The following SNX32 variants were observed in gnomAD, a reference collection of about 807,000 sequenced individuals.
SNX32 encodes the protein sorting nexin 32, also known as sorting nexin-32.
Under a neutral mutation model 57.0 loss-of-function variants are expected in SNX32, and 58 were observed. The observed-to-expected ratio is 1.02, with a 90% confidence interval of 0.82 to 1.27. SNX32 has a LOEUF of 1.27. SNX32 is among the 50% of genes most tolerant of loss of function. The probability of loss-of-function intolerance (pLI) is 0.00; values close to 1 mark genes in which losing one functional copy is unlikely to be tolerated. For missense variants in SNX32, 589 were observed against 541.2 expected (o/e 1.09, Z -0.88); for synonymous variants, 262 against 220.4 (o/e 1.19, Z -1.67).
intron 4 of SNX32, 70 bp downstream of exon 4, chr11:65,850,341 G>A: frequency 1.2e-6 from 2 of 1,613,554 alleles, no homozygotes; most frequent in South Asian, 1.1e-5. Context: ...CCCCATGAAT[G>A]TTTAGCAACC....
chr11:65,850,928 G>C, intron 6 of SNX32, 73 bp downstream of exon 6: 2 of 1,531,950 alleles, frequency 1.3e-6, no homozygotes, highest in Admixed American at 3.4e-5. Flanking sequence ...GCCCAGGCTG[G>C]GTGTGGGAAG....
intron 8 of SNX32, 75 bp downstream of exon 8, chr11:65,851,478 G>C (rs993995020): frequency 6.4e-7 from 1 of 1,557,028 alleles, no homozygotes; most frequent in South Asian, 1.1e-5. Context: ...TCACTCTGTA[G>C]ATGTCTACTG....
intron 1 of SNX32, among the ~76,000 whole-genome samples, chr11:65,843,395 C>T (rs939559053): frequency 7.2e-5 from 11 of 151,858 alleles, no homozygotes; most frequent in African/African-American, 2.7e-4. Flanking sequence ...AGAGTGAAAC[C>T]CCATCTCTAC....
chr11:65,852,619 C>T lies in SNX32; in HGVS notation c.913-11C>T, dbSNP rs765415612. 2.5e-6 allele frequency: 4 copies of T among 1,612,694 alleles called. No individual in the cohort carries two copies. The highest frequency in any genetic ancestry group is 3.4e-6 in the Non-Finnish European group (4 of 1,179,562). ...GACAGGGCAGCAGTGACCCTGTGCC[C>T]ATGGTCCTAGGACCTGCTGTACCGG... On this transcript the variant is annotated splice_polypyrimidine_tract_variant and intron_variant, in intron 10 of 12. Coordinates refer to ENST00000308342, the MANE Select transcript of SNX32 (RefSeq NM_152760.3).
At chr11:65,835,278 G>A (rs1055782063) in intron 1 of SNX32, among the ~76,000 whole-genome samples, 4 of 142,800 alleles carry the variant, frequency 2.8e-5, no homozygotes, top group Admixed American at 7.4e-5. Flanking sequence ...ACCCGTCACT[G>A]TCACTCTTAC....
chr11:65,842,707 T>G (rs1231161238), intron 1 of SNX32, among the ~76,000 whole-genome samples: 1 of 150,306 alleles, frequency 6.7e-6, no homozygotes, highest in Non-Finnish European at 1.5e-5. Flanking sequence ...CCCAGCACTT[T>G]GGGAGAACAA....
intron 1 of SNX32, among the ~76,000 whole-genome samples, chr11:65,842,949 C>CAAAAA (rs922615169): frequency 1.7e-4 from 7 of 41,220 alleles, no homozygotes; most frequent in African/African-American, 2.4e-4. Context: ...AACTCCATCT[C>CAAAAA]AAAAAAAAAA....
chr11:65,843,220 C>CAAAAAA (rs11307931), intron 1 of SNX32, among the ~76,000 whole-genome samples: 1 of 108,936 alleles, frequency 9.2e-6, no homozygotes, highest in African/African-American at 3.6e-5. Context: ...GACTCCGTCT[C>CAAAAAA]AAAAAAAAAA....
intron 1 of SNX32, among the ~76,000 whole-genome samples, chr11:65,834,357 C>T (rs1445431175): frequency 6.7e-6 from 1 of 148,708 alleles, no homozygotes; most frequent in Non-Finnish European, 1.5e-5. Context: ...GTCTGTGTGT[C>T]TGTGTGTGTC....
chr11:65,837,665 C>A (rs377470326), intron 1 of SNX32, among the ~76,000 whole-genome samples: 24 of 151,120 alleles, frequency 1.6e-4, no homozygotes, highest in East Asian at 1.2e-3. Flanking sequence ...ACTAAAAATA[C>A]AAAAATTAGC....
chr11:65,851,598 T>TC lies in SNX32; in HGVS notation c.786-40dup, dbSNP rs1555035916. On this transcript the variant is annotated intron_variant, in intron 8 of 12. Coordinates refer to ENST00000308342, the MANE Select transcript of SNX32 (RefSeq NM_152760.3). ...CTGAGACAGAGAGGCTTTGAGCTGT[T>TC]CCTCAGCCCCCTACCCTAACTCCCT... is the stretch of plus-strand genomic sequence containing the variant. The TC allele has an allele frequency of 1.9e-6, 3 of 1,610,800 alleles. No individual in the cohort carries two copies. In the East Asian group the frequency reaches 6.7e-5, roughly 36 times the overall value.
chr11:65,850,730 T>C, intron 5 of SNX32, 21 bp from the exon 6 acceptor site: 1 of 1,610,400 alleles, frequency 6.2e-7, no homozygotes. Context: ...CCCAGCATCA[T>C]ACCCTCCCTG....
At chr11:65,834,728 G>A (rs1048046288) in intron 1 of SNX32, among the ~76,000 whole-genome samples, 2 of 149,806 alleles carry the variant, frequency 1.3e-5, no homozygotes, top group Non-Finnish European at 3.0e-5. Context: ...TTGTGTCTGA[G>A]TGTGTGTCTG....
At position 65,852,699 on chromosome 11, in the gene SNX32, C is replaced by G; in HGVS notation, c.982C>G (p.Arg328Gly). 6.3e-7 allele frequency: 1 copy of G among 1,597,562 alleles called. No homozygotes were observed. Among genetic ancestry groups the G allele is most frequent in the Non-Finnish European group, 8.5e-7 (1 of 1,175,580 alleles). Residue 328 changes from arginine (R) to glycine (G), a missense_variant, in exon 11 of 13, where the codon CGC (arginine) becomes GGC (glycine). Arg to Gly is a moderately radical substitution (Grantham distance 125). Coordinates refer to ENST00000308342, the MANE Select transcript of SNX32 (RefSeq NM_152760.3). ...ENANKALDKA[R>G]TRNREVRPAE... ...TGCCAACAAGGCGCTGGACAAGGCG[C>G]GCACCAGGAACCGGGAGGTGCGGCC...
At chr11:65,849,843 C>A in intron 2 of SNX32, 77 bp from the exon 3 acceptor site, 1 of 1,229,198 alleles carries the variant, frequency 8.1e-7, no homozygotes, top group Non-Finnish European at 1.1e-6. Flanking sequence ...TGAGGGGGGC[C>A]CAAAAGTGCA....
chr11:65,834,176 G>A, intron 1 of SNX32, 75 bp downstream of exon 1: 1 of 444,802 alleles, frequency 2.2e-6, no homozygotes, highest in Non-Finnish European at 3.5e-6. Flanking sequence ...ATCATGCGGT[G>A]GTGTGTGTGT....
At chr11:65,837,817 CA>C (rs774242704) in intron 1 of SNX32, among the ~76,000 whole-genome samples, 862 of 71,400 alleles carry the variant, frequency 0.012, 6 homozygotes, top group African/African-American at 0.05. Context: ...AAGACTCTCT[CA>C]AAAAAAAAAA....
chr11:65,842,596 T>A (rs1293340597), intron 1 of SNX32, among the ~76,000 whole-genome samples: 1 of 151,830 alleles, frequency 6.6e-6, no homozygotes, highest in Non-Finnish European at 1.5e-5. Context: ...GAGGCTGCAG[T>A]GAGCCAAGAT....
At chr11:65,835,453 T>C (rs1467302922) in intron 1 of SNX32, 1 of 152,136 alleles carries the variant, frequency 6.6e-6, no homozygotes, top group African/African-American at 2.4e-5. Context: ...GCTTCACTTG[T>C]GTTCTGAGTT....
Sources: gnomAD v4.1 joint callset for allele counts (sites outside exome capture counted in the v4.1 genomes callset) on GRCh38, gnomAD v4.1.1 for gene constraint, MANE v1.5 for transcripts, NCBI Gene and HGNC (gene_info 2026-07-23, HGNC 2026-07-21) for gene names.